Variants in CDH12 observed in about 807,000 individuals in gnomAD.
The protein encoded by CDH12 is cadherin-12.
CDH12 carries 41 observed loss-of-function variants against 74.1 expected under a neutral mutation model. That is an observed-to-expected ratio of 0.55 (90% CI 0.43 to 0.72). CDH12 has a LOEUF of 0.72. CDH12 is among the 30% of genes least tolerant of loss of function. CDH12 has a pLI of 0.00. For missense variants in CDH12, 945 were observed against 977.2 expected, an observed-to-expected ratio of 0.97 and a Z score of 0.44; for synonymous variants, 399 against 355.0, an observed-to-expected ratio of 1.12 and a Z score of -1.39.
chr5:22,791,900 T>C (rs1200868949), intron 1 of CDH12, among the ~76,000 whole-genome samples: 1 of 152,130 alleles, frequency 6.6e-6, no homozygotes, highest in Non-Finnish European at 1.5e-5. Context: ...GGGATTACAA[T>C]TCAAGATGAG....
At chr5:21,849,014 G>C (rs1367435802) in intron 7 of CDH12, among the ~76,000 whole-genome samples, 1 of 151,750 alleles carries the variant, frequency 6.6e-6, no homozygotes, top group Non-Finnish European at 1.5e-5. Context: ...AACACCACCA[G>C]TTCATTACTC....
chr5:22,166,521 C>T (rs1748692305), intron 4 of CDH12, among the ~76,000 whole-genome samples: 1 of 152,082 alleles, frequency 6.6e-6, no homozygotes, highest in South Asian at 2.1e-4. Context: ...TAAGATGCTT[C>T]AAGTATTTTG....
intron 1 of CDH12, among the ~76,000 whole-genome samples, chr5:22,799,100 G>A (rs1748377016): frequency 6.6e-6 from 1 of 152,088 alleles, no homozygotes; most frequent in African/African-American, 2.4e-5. Flanking sequence ...CTGGGTGACA[G>A]AGCCAGACCC....
intron 1 of CDH12, among the ~76,000 whole-genome samples, chr5:22,832,476 A>G (rs16899375): frequency 0.18 from 27,370 of 152,040 alleles, 3,137 homozygotes; most frequent in East Asian, 0.41. Flanking sequence ...TAAAATTATT[A>G]GAGTGTTGAT....
intron 1 of CDH12, among the ~76,000 whole-genome samples, chr5:22,717,779 G>A (rs1743655664): frequency 6.6e-6 from 1 of 152,104 alleles, no homozygotes; most frequent in South Asian, 2.1e-4. Context: ...TTAGTGTATT[G>A]TTGCCTGAGG....
At chr5:22,024,688 T>G (rs1387641765) in intron 5 of CDH12, among the ~76,000 whole-genome samples, 1 of 152,064 alleles carries the variant, frequency 6.6e-6, no homozygotes, top group East Asian at 1.9e-4. Flanking sequence ...AATTTTTTTG[T>G]ATTTTAGTAG....
intron 2 of CDH12, among the ~76,000 whole-genome samples, chr5:22,479,927 C>A (rs563837209): frequency 1.3e-5 from 2 of 151,924 alleles, no homozygotes; most frequent in Non-Finnish European, 2.9e-5. Context: ...CTTGATTTGC[C>A]CCCAGCCCCC....
chr5:21,830,546 G>A (rs949688617), intron 8 of CDH12, among the ~76,000 whole-genome samples: 1 of 152,016 alleles, frequency 6.6e-6, no homozygotes, highest in African/African-American at 2.4e-5. Context: ...GGTATAAAAT[G>A]GAATTATCTC....
chr5:21,990,144 A>G (rs1427739724), intron 5 of CDH12, among the ~76,000 whole-genome samples: 2 of 152,158 alleles, frequency 1.3e-5, no homozygotes, highest in African/African-American at 2.4e-5. Context: ...CAATCACACC[A>G]TATTTAGTGA....
intron 2 of CDH12, among the ~76,000 whole-genome samples, chr5:22,460,539 T>C (rs575257351): frequency 2.2e-4 from 34 of 152,222 alleles, no homozygotes; most frequent in African/African-American, 7.5e-4. Context: ...ATTTAATAAC[T>C]GCAAATAAAA....
At chr5:22,551,703 G>GA (rs1282900511) in intron 1 of CDH12, among the ~76,000 whole-genome samples, 1 of 151,208 alleles carries the variant, frequency 6.6e-6, no homozygotes, top group East Asian at 1.9e-4. Flanking sequence ...AATGCCTATG[G>GA]AAAAAAGAAG....
intron 2 of CDH12, among the ~76,000 whole-genome samples, chr5:22,430,647 G>A (rs1561398731): frequency 6.6e-6 from 1 of 152,034 alleles, no homozygotes; most frequent in Non-Finnish European, 1.5e-5. Context: ...CTAACTCTGA[G>A]TAGGTATACT....
chr5:22,003,426 T>C (rs1736725190), intron 5 of CDH12, among the ~76,000 whole-genome samples: 1 of 151,174 alleles, frequency 6.6e-6, no homozygotes, highest in Non-Finnish European at 1.5e-5. Context: ...CATTTATAGA[T>C]GCAGTAATCT....
intron 2 of CDH12, among the ~76,000 whole-genome samples, chr5:22,456,975 A>G (rs937148369): frequency 1.3e-5 from 2 of 151,998 alleles, no homozygotes; most frequent in African/African-American, 4.8e-5. Context: ...AGTAAAAGTG[A>G]TTTTTTTCTT....
chr5:22,709,247 A>ACC (rs1743176690), intron 1 of CDH12, among the ~76,000 whole-genome samples: 1 of 152,132 alleles, frequency 6.6e-6, no homozygotes, highest in South Asian at 2.1e-4. Context: ...ACAAATAATA[A>ACC]CCGGAAAAAG....
chr5:22,331,549 C>G (rs757946865), intron 3 of CDH12, among the ~76,000 whole-genome samples: 2 of 152,134 alleles, frequency 1.3e-5, no homozygotes, highest in Non-Finnish European at 2.9e-5. Flanking sequence ...CCTGGAAAGC[C>G]TTCCTAAGGA....
chr5:21,928,864 G>C (rs905828725), intron 6 of CDH12, among the ~76,000 whole-genome samples: 3 of 152,066 alleles, frequency 2.0e-5, no homozygotes, highest in Non-Finnish European at 4.4e-5. Context: ...TGTAACATTT[G>C]TAGTATAAAT....
At chr5:22,136,856 C>G (rs1319339876) in intron 4 of CDH12, among the ~76,000 whole-genome samples, 1 of 151,684 alleles carries the variant, frequency 6.6e-6, no homozygotes, top group Non-Finnish European at 1.5e-5. Context: ...AAGCCTATAT[C>G]ATTTAAGACC....
chr5:22,357,603 A>T, intron 3 of CDH12, among the ~76,000 whole-genome samples: 1 of 152,186 alleles, frequency 6.6e-6, no homozygotes, highest in Admixed American at 6.5e-5. Flanking sequence ...GCACTTTTGT[A>T]TTAATTTAAG....
Sources: gnomAD v4.1 joint callset for allele counts (sites outside exome capture counted in the v4.1 genomes callset) on GRCh38, gnomAD v4.1.1 for gene constraint, MANE v1.5 for transcripts, NCBI Gene and HGNC (gene_info 2026-07-23, HGNC 2026-07-21) for gene names.